CD58: variants seen among roughly 807,000 people sequenced by gnomAD.
CD58 encodes CD58 molecule.
A neutral mutation model predicts 27.6 loss-of-function variants in CD58; 14 were observed. The ratio of observed to expected loss-of-function variants is 0.51; its 90% CI spans 0.34 to 0.79. The LOEUF (loss-of-function observed/expected upper bound fraction) is 0.79, where lower values mean the gene tolerates loss of function less well. Among genes scored for constraint, CD58 ranks in the 30% least tolerant of loss-of-function variants. The probability of loss-of-function intolerance (pLI) is 0.02; values close to 1 mark genes in which losing one functional copy is unlikely to be tolerated. For synonymous variants in CD58, 117 were observed against 103.8 expected, an observed-to-expected ratio of 1.13 and a Z score of -0.77; for missense variants, 268 against 301.7, an observed-to-expected ratio of 0.89 and a Z score of 0.83.
rs530346919 is a variant in CD58 at position 116,563,126 on chromosome 1, G to T, written c.70+7777C>A. On this transcript the variant is annotated intron_variant, in intron 1 of 5. Coordinates refer to ENST00000369489, the MANE Select transcript of CD58 (RefSeq NM_001779.3). This position sits in a 1 kb window ranked among gnomAD's most constrained non-coding sequence, Gnocchi z 4.1. ...ATGGGAGAAATTGTCCAAAACAAAA[G>T]GGCTACAGGCCCCATGCAAGTCCTA... 4.6e-5 allele frequency among the ~76,000 whole-genome samples: 7 copies of T among 152,296 alleles called. No homozygotes were observed. The South Asian group carries it at 1.4e-3, about 32-fold the overall frequency.
chr1:116,547,326 T>C (rs1193778069), intron 1 of CD58, among the ~76,000 whole-genome samples: 1 of 147,956 alleles, frequency 6.8e-6, no homozygotes, highest in African/African-American at 2.6e-5. Context: ...TTTTGTTCTT[T>C]TTTTTTTTTT....
In CD58 at chr1:116,539,880, T is replaced by A. The variant is rs1245306958; in HGVS notation, c.365-3652A>T. On this transcript the variant is annotated intron_variant, in intron 2 of 5. Coordinates refer to ENST00000369489, the MANE Select transcript of CD58 (RefSeq NM_001779.3). ...ACTGGCAAGAAATGTGCCTACTTCC[T>A]CCCTAAGACAATTAGTCAATTTATA... Among the ~76,000 whole-genome samples, 17 of 152,216 alleles carry A rather than the reference T, an allele frequency of 1.1e-4. 1 individual carries two copies. Among genetic ancestry groups the A allele is most frequent in the Admixed American group, 1.1e-3 (17 of 15,280 alleles).
At chr1:116,568,184 C>T (rs1480418681) in intron 1 of CD58, among the ~76,000 whole-genome samples, 4 of 151,912 alleles carry the variant, frequency 2.6e-5, no homozygotes, top group Non-Finnish European at 5.9e-5. Context: ...TGTATCAATG[C>T]CACATTTCCA....
At chr1:116,553,640 T>C (rs1436449061) in intron 1 of CD58, among the ~76,000 whole-genome samples, 1 of 152,178 alleles carries the variant, frequency 6.6e-6, no homozygotes, top group Non-Finnish European at 1.5e-5. Flanking sequence ...AGTTTGACAC[T>C]GTTCAGTGTG....
chr1:116,546,681 A>C lies in CD58; in HGVS notation c.71-2077T>G, dbSNP rs1259091671. Among the ~76,000 whole-genome samples, 1 of 152,230 alleles carries C rather than the reference A, an allele frequency of 6.6e-6. No individual in the cohort carries two copies. Among genetic ancestry groups the C allele is most frequent in the Non-Finnish European group, 1.5e-5 (1 of 68,040 alleles). On this transcript the variant is annotated intron_variant, in intron 1 of 5. Transcript: ENST00000369489. The surrounding 1 kb of genome is among the most constrained non-coding windows in gnomAD (Gnocchi z 4.1). ...CTTTTGTCTTTCCCAGGGAGAGCTGATGTATCCTGGGCTTGAGAACAGTAG... is the reference window on the plus strand; with the variant it reads ...CTTTTGTCTTTCCCAGGGAGAGCTGCTGTATCCTGGGCTTGAGAACAGTAG...
In CD58 at chr1:116,515,875, C is replaced by G. The variant is rs1188684268; in HGVS notation, c.744-1053G>C. Among the ~76,000 whole-genome samples, 1 of 152,134 alleles carries G rather than the reference C, an allele frequency of 6.6e-6. No homozygotes were observed. Among genetic ancestry groups the G allele is most frequent in the African/African-American group, 2.4e-5 (1 of 41,420 alleles). On this transcript the variant is annotated intron_variant, in intron 5 of 5. Transcript: ENST00000369489. The surrounding 1 kb of genome is among the most constrained non-coding windows in gnomAD (Gnocchi z 4.6). ...GGCGTGGCCATTTCCCGTCAGATGTCTGCTATCTACTCATCTGTCCTCTGT... is the reference window on the plus strand; with the variant it reads ...GGCGTGGCCATTTCCCGTCAGATGTGTGCTATCTACTCATCTGTCCTCTGT...
intron 1 of CD58, among the ~76,000 whole-genome samples, chr1:116,545,635 A>G (rs1208889293): frequency 6.6e-6 from 1 of 152,138 alleles, no homozygotes; most frequent in Non-Finnish European, 1.5e-5. Flanking sequence ...GAAGATTAAG[A>G]ACTCAGGGAT....
Position 116,517,173 on chromosome 1 carries a change from C to T in CD58, c.743+2058G>A, listed in dbSNP as rs193102740. On this transcript the variant is annotated intron_variant, in intron 5 of 5. Transcript: ENST00000369489. The surrounding 1 kb of genome is among the most constrained non-coding windows in gnomAD (Gnocchi z 6.5). ...AGATCTCAGCAGAGACCTGACTTGG[C>T]TCTCACACTCACCTGGGGCTCACGC... Among the ~76,000 whole-genome samples the T allele has an allele frequency of 5.3e-5, 8 of 152,168 alleles. No individual in the cohort carries two copies. Among genetic ancestry groups the T allele is most frequent in the South Asian group, 2.1e-4 (1 of 4,814 alleles).
At chr1:116,533,511 C>T in intron 3 of CD58, 2 of 732,862 alleles carry the variant, frequency 2.7e-6, no homozygotes, top group Non-Finnish European at 5.2e-6. Flanking sequence ...CAGAAAACTT[C>T]ACTTTAATAT....
rs2101247098 is a variant in CD58 at position 116,571,005 on chromosome 1, A to C, written c.-33T>G. 1 of 1,516,084 alleles carries C rather than the reference A, an allele frequency of 6.6e-7. No individual in the cohort carries two copies. The allele number at this position is 1,516,084 out of a possible 1,614,324, so 93.9% of individuals were successfully genotyped here. ...CGGGCCGGCCTCTGCGCGAGTGCCC[A>C]GCCACAAGCAGCCCTAAGTTCAAGC... On this transcript the variant is annotated 5_prime_UTR_variant, in exon 1 of 6. Coordinates refer to ENST00000369489, the MANE Select transcript of CD58 (RefSeq NM_001779.3).
At chr1:116,548,348 G>A (rs1658265513) in intron 1 of CD58, among the ~76,000 whole-genome samples, 2 of 71,716 alleles carry the variant, frequency 2.8e-5, no homozygotes, top group South Asian at 1.2e-3. Context: ...TTTGTTTTTG[G>A]GTTCTTGGTC....
intron 1 of CD58, among the ~76,000 whole-genome samples, chr1:116,555,173 G>A (rs1274001743): frequency 1.3e-5 from 2 of 152,040 alleles, no homozygotes; most frequent in Admixed American, 1.3e-4. Flanking sequence ...GCAGAACAGA[G>A]AGTGCCCAGA....
At chr1:116,548,450 G>A (rs2101197698) in intron 1 of CD58, among the ~76,000 whole-genome samples, 1 of 152,200 alleles carries the variant, frequency 6.6e-6, no homozygotes, top group South Asian at 2.1e-4. Flanking sequence ...TTAAGTTTTT[G>A]ATCCACCTTG....
In CD58 at chr1:116,524,510, A is replaced by G. The variant is rs1194689975; in HGVS notation, c.629-2527T>C. 1.3e-5 allele frequency among the ~76,000 whole-genome samples: 2 copies of G among 152,244 alleles called. No individual in the cohort carries two copies. The highest frequency in any genetic ancestry group is 2.4e-5 in the African/African-American group (1 of 41,458). On this transcript the variant is annotated intron_variant, in intron 3 of 5. Transcript: ENST00000369489. The surrounding 1 kb of genome is among the most constrained non-coding windows in gnomAD (Gnocchi z 4.6). ...GAACCCTATTAAGCTGCCAAGATTC[A>G]ATGGTTTTTGACTAGAGAAACAGCA...
intron 2 of CD58, among the ~76,000 whole-genome samples, chr1:116,543,221 C>G (rs2101187889): frequency 6.6e-6 from 1 of 152,128 alleles, no homozygotes; most frequent in East Asian, 1.9e-4. Context: ...GACAACAGCA[C>G]TCAGGCTGAG....
intron 1 of CD58, among the ~76,000 whole-genome samples, chr1:116,558,676 A>C (rs1658659588): frequency 6.6e-6 from 1 of 152,236 alleles, no homozygotes; most frequent in Non-Finnish European, 1.5e-5. Context: ...GTTTTAACTC[A>C]ATCAAGTTTC....
intron 1 of CD58, among the ~76,000 whole-genome samples, chr1:116,556,073 T>A (rs928112738): frequency 2.0e-5 from 3 of 151,896 alleles, no homozygotes; most frequent in African/African-American, 7.3e-5. Context: ...CTGGCCAACA[T>A]GGTGAAACCC....
Position 116,515,693 on chromosome 1 carries a change from C to G in CD58, c.744-871G>C, listed in dbSNP as rs1190153436. 6.6e-6 allele frequency among the ~76,000 whole-genome samples: 1 copy of G among 152,192 alleles called. No homozygotes were observed. The highest frequency in any genetic ancestry group is 1.5e-5 in the Non-Finnish European group (1 of 68,036). On this transcript the variant is annotated intron_variant, in intron 5 of 5. Transcript: ENST00000369489. This position sits in a 1 kb window ranked among gnomAD's most constrained non-coding sequence, Gnocchi z 4.6. Reference sequence around the variant, plus strand: ...CCTGCTTCTCCAGCTTGGCTCCTGCCTGAGATCCCACCTGTAAATCTTTCT... The same window carrying G: ...CCTGCTTCTCCAGCTTGGCTCCTGCGTGAGATCCCACCTGTAAATCTTTCT...
intron 1 of CD58, among the ~76,000 whole-genome samples, chr1:116,564,689 T>C (rs368640616): frequency 1.3e-5 from 2 of 152,302 alleles, no homozygotes. Flanking sequence ...CTGAGAACAG[T>C]ATGGGGGAAA....
Sources: allele counts gnomAD v4.1 joint callset (sites outside exome capture counted in the v4.1 genomes callset), GRCh38; gene constraint gnomAD v4.1.1; non-coding constraint Gnocchi (gnomAD v3.1); transcripts MANE v1.5; gene names NCBI Gene and HGNC (gene_info 2026-07-23, HGNC 2026-07-21).